The following MUC5B variants were observed in gnomAD, a reference collection of about 807,000 sequenced individuals.
MUC5B encodes mucin-5B.
A neutral mutation model predicts 376.9 loss-of-function variants in MUC5B; 116 were observed. That is an observed-to-expected ratio of 0.31 (90% CI 0.26 to 0.36). MUC5B has a LOEUF of 0.36. MUC5B is among the 10% of genes least tolerant of loss of function. MUC5B has a pLI of 1.00. For missense variants in MUC5B, 7,165 were observed against 7,769.9 expected, an observed-to-expected ratio of 0.92 and a Z score of 2.93; for synonymous variants, 3,517 against 3,390.9, an observed-to-expected ratio of 1.04 and a Z score of -1.29.
rs908224 is a variant in MUC5B at position 1,226,967 on chromosome 11, G to T, written c.462-64G>T. On this transcript the variant is annotated intron_variant, in intron 4 of 48. Coordinates refer to ENST00000529681, the MANE Select transcript of MUC5B (RefSeq NM_002458.3). ...TGTCTGACCTGGGCCAGGGCTGGGG[G>T]GGGGTTGGGTGGGCAGGCAGCCAGG... The T allele has an allele frequency of 0.63, 961,897 of 1,517,360 alleles. 306,158 individuals carry two copies. Among genetic ancestry groups the T allele is most frequent in the Admixed American group, 0.76 (42,149 of 55,200 alleles). 94.0% of individuals were successfully genotyped at this position (1,517,360 alleles called of 1,614,324 possible). A position where few individuals can be genotyped will look rare whatever the true frequency, so the allele number is the denominator to read the frequency against.
intron 13 of MUC5B, 136 bp downstream of exon 13, chr11:1,231,141 G>A: frequency 1.0e-6 from 1 of 957,956 alleles, no homozygotes; most frequent in Non-Finnish European, 1.5e-6. Flanking sequence ...CCTGTGCTCG[G>A]TTTCTCGTCT....
intron 7 of MUC5B, 120 bp downstream of exon 7, chr11:1,227,901 C>T (rs948257690): frequency 8.2e-5 from 50 of 612,630 alleles, no homozygotes; most frequent in East Asian, 2.2e-4. Context: ...GGAGGGAGGC[C>T]GGGCAGCCAC....
Position 1,254,149 on chromosome 11 carries a change from C to G in MUC5B, c.15275C>G (p.Thr5092Ser). Residue 5092 changes from threonine to serine, a missense_variant, in exon 34 of 49, where the codon ACC (threonine) becomes AGC (serine). By Grantham distance (58) the Thr-to-Ser change is moderately conservative. This residue lies in a region of MUC5B where 842 missense variants were observed against 1,016.9 expected (regional missense o/e 0.83). Coordinates refer to ENST00000529681, the MANE Select transcript of MUC5B (RefSeq NM_002458.3). ...HYSTFDGTSY[T>S]FRGNCTYVLM... The stretch of plus-strand genomic sequence containing the variant: ...TCCACCTTTGACGGCACCTCTTACA[C>G]CTTCCGGGGCAACTGCACCTATGTC... 2 of 1,612,998 alleles carry G rather than the reference C, an allele frequency of 1.2e-6. No homozygotes were observed. The highest frequency in any genetic ancestry group is 1.7e-6 in the Non-Finnish European group (2 of 1,179,846).
intron 25 of MUC5B, 136 bp from the exon 26 acceptor site, chr11:1,238,735 C>T (rs1205859578): frequency 5.1e-6 from 5 of 980,828 alleles, no homozygotes; most frequent in Non-Finnish European, 6.1e-6. Context: ...TGAGGTATTC[C>T]AGGCCCCAGG....
Position 1,260,004 on chromosome 11 carries a change from C to G in MUC5B, c.16842C>G (p.Thr5614=), listed in dbSNP as rs1564954756. Residue 5614 remains threonine (T), a synonymous_variant, in exon 46 of 49, where the codon ACC becomes ACG. Coordinates refer to ENST00000529681, the MANE Select transcript of MUC5B (RefSeq NM_002458.3). ...TCAACAGCCATGTGGACAACTGCAC[C>G]GTGTACCTCTGTGAGGCTGAGGGTG... is the stretch of plus-strand genomic sequence containing the variant. ...TWVNSHVDNC[T]VYLCEAEGGV... The G allele has an allele frequency of 3.1e-6, 5 of 1,612,866 alleles. No homozygotes were observed. Among genetic ancestry groups the G allele is most frequent in the South Asian group, 2.2e-5 (2 of 91,092 alleles).
chr11:1,242,377 G>C lies in MUC5B; in HGVS notation c.5497G>C (p.Glu1833Gln). ...WAPKSIECRAENYPEVSIDQV... is the reference protein window; with the variant it reads ...WAPKSIECRAQNYPEVSIDQV... Reference sequence around the variant, plus strand: ...ACCAAAGAGCATAGAGTGCCGGGCGGAGAACTACCCCGAGGTAAGCATCGA... The same window carrying C: ...ACCAAAGAGCATAGAGTGCCGGGCGCAGAACTACCCCGAGGTAAGCATCGA... The change falls in exon 31 of 49, where the codon GAG (glutamate) becomes CAG (glutamine). Residue 1833 changes from glutamate (E) to glutamine (Q), a missense_variant. Glu to Gln is a conservative substitution (Grantham distance 29). Transcript: ENST00000529681. The C allele has an allele frequency of 8.1e-6, 13 of 1,613,886 alleles. No homozygotes were observed. The highest frequency in any genetic ancestry group is 1.1e-5 in the Non-Finnish European group (13 of 1,179,866).
rs758434324 is a variant in MUC5B at position 1,261,962 on chromosome 11, C to T, written c.*354C>T. On this transcript the variant is annotated 3_prime_UTR_variant, in exon 49 of 49. Transcript: ENST00000529681. ...CCCGCGCAGCACGGATTCCAGCTGG[C>T]CACGTCCGGCCGCTGGGGCAGACAG... 4.0e-6 allele frequency: 2 copies of T among 501,580 alleles called. No individual in the cohort carries two copies. The highest frequency in any genetic ancestry group is 7.8e-6 in the Non-Finnish European group (2 of 255,674). 31.1% of individuals were successfully genotyped at this position (501,580 alleles called of 1,614,324 possible). A position where few individuals can be genotyped will look rare whatever the true frequency, so the allele number is the denominator to read the frequency against.
chr11:1,240,786 C>A, intron 30 of MUC5B, 65 bp from the exon 31 acceptor site: 1 of 1,462,252 alleles, frequency 6.8e-7, no homozygotes, highest in Admixed American at 2.2e-5. Flanking sequence ...TCTGGGGCCC[C>A]TCCACCTTGT....
rs758241481 is a variant in MUC5B at position 1,232,484 on chromosome 11, C to G, written c.1878C>G (p.Thr626=). The part of the protein sequence containing the change: ...NYARHWCSRL[T]DPNSAFSRCH... ...CCCGGCACTGGTGCTCGCGCCTGACCGATCCCAACAGTGCCTTCTCGCGCT... is the reference window on the plus strand; with the variant it reads ...CCCGGCACTGGTGCTCGCGCCTGACGGATCCCAACAGTGCCTTCTCGCGCT... Residue 626 remains threonine (T), a synonymous_variant, in exon 16 of 49, where the codon ACC becomes ACG. Transcript: ENST00000529681. The G allele has an allele frequency of 9.9e-6, 16 of 1,610,448 alleles. No homozygotes were observed. In the Admixed American group the frequency reaches 1.5e-4, roughly 15 times the overall value.
Position 1,255,421 on chromosome 11 carries a change from C to T in MUC5B, c.15929C>T (p.Pro5310Leu). ...TGCCACAACCTTGTGCCCCCGGGCC[C>T]ATTCTTCAACGCCTGCATCAGCGAC... ...AECHNLVPPGPFFNACISDHC... is the reference protein window; with the variant it reads ...AECHNLVPPGLFFNACISDHC... Residue 5310 changes from proline to leucine, a missense_variant, in exon 37 of 49, where the codon CCA (proline) becomes CTA (leucine). Physicochemically the swap from Pro to Leu is moderately conservative, Grantham distance 98 (BLOSUM62 -3). Coordinates refer to ENST00000529681, the MANE Select transcript of MUC5B (RefSeq NM_002458.3). The T allele has an allele frequency of 6.2e-7, 1 of 1,604,952 alleles. No homozygotes were observed. Among genetic ancestry groups the T allele is most frequent in the Non-Finnish European group, 8.5e-7 (1 of 1,176,068 alleles).
Position 1,242,940 on chromosome 11 carries a change from C to T in MUC5B, c.6060C>T (p.Ser2020=), listed in dbSNP as rs1862330860. Residue 2020 remains serine (S), a synonymous_variant, in exon 31 of 49, where the codon TCC becomes TCT. Coordinates refer to ENST00000529681, the MANE Select transcript of MUC5B (RefSeq NM_002458.3). ...CCACTCCAGAGACTGCCCACACCTC[C>T]ACAGTGCTTACCGCCACGGCCACCA... ...PSSTPETAHT[S]TVLTATATTT... is the part of the protein sequence containing the mutation. 6.2e-7 allele frequency: 1 copy of T among 1,613,156 alleles called. No individual in the cohort carries two copies. Among genetic ancestry groups the T allele is most frequent in the Non-Finnish European group, 8.5e-7 (1 of 1,179,330 alleles).
intron 44 of MUC5B, 57 bp from the exon 45 acceptor site, chr11:1,259,699 G>T: frequency 1.3e-6 from 2 of 1,581,326 alleles, no homozygotes; most frequent in Non-Finnish European, 8.7e-7. Context: ...GGCAGGCTGG[G>T]CCGGGGCATG....
Position 1,248,440 on chromosome 11 carries a change from T to A in MUC5B, c.11560T>A (p.Ser3854Thr). Residue 3854 changes from serine to threonine, a missense_variant, in exon 31 of 49, where the codon TCT becomes ACT. Transcript: ENST00000529681. ...GGCCACCGGCTCTGTGGCCACCCCC[T>A]CTTCCACCCCAGGAACAGCTCACAC... ...TRATGSVATP[S>T]STPGTAHTTK... 1 of 1,608,136 alleles carries A rather than the reference T, an allele frequency of 6.2e-7. No homozygotes were observed. The highest frequency in any genetic ancestry group is 8.5e-7 in the Non-Finnish European group (1 of 1,177,300).
chr11:1,231,359 C>T (rs1862023701), intron 13 of MUC5B, 64 bp from the exon 14 acceptor site: 2 of 1,526,496 alleles, frequency 1.3e-6, no homozygotes, highest in Non-Finnish European at 1.8e-6. Flanking sequence ...GATGCCCTGC[C>T]CCTCCAATCT....
Position 1,250,328 on chromosome 11 carries a change from C to A in MUC5B, c.13448C>A (p.Thr4483Asn). The A allele has an allele frequency of 2.0e-5, 32 of 1,613,384 alleles. No individual in the cohort carries two copies. Among genetic ancestry groups the A allele is most frequent in the Non-Finnish European group, 2.5e-5 (30 of 1,179,696 alleles). Residue 4483 changes from threonine to asparagine, a missense_variant, in exon 31 of 49, where the codon ACC (threonine) becomes AAC (asparagine). Around this residue, in one of 31 missense-constraint regions of MUC5B, gnomAD observed 431 missense variants for 390.4 expected, o/e 1.10. Coordinates refer to ENST00000529681, the MANE Select transcript of MUC5B (RefSeq NM_002458.3). ...QATAGTPHVS[T>N]TATTPTVTSS... ...ACTGCTGGCACCCCACATGTGAGCA[C>A]CACGGCCACGACACCCACAGTCACC...
Position 1,250,113 on chromosome 11 carries a change from G to A in MUC5B, c.13233G>A (p.Pro4411=), listed in dbSNP as rs539036641. 109 of 1,585,128 alleles carry A rather than the reference G, an allele frequency of 6.9e-5. No homozygotes were observed. Among genetic ancestry groups the A allele is most frequent in the Middle Eastern group, 1.7e-4 (1 of 5,950 alleles). ...TTAATGPTAT[P]SSTPGTTWIL... ...CAGCCACTGGCCCCACGGCCACCCC[G>A]TCCTCCACCCCAGGGACCACCTGGA... is the stretch of plus-strand genomic sequence containing the variant. The change falls in exon 31 of 49, where the codon CCG becomes CCA. Residue 4411 remains proline, a synonymous_variant. Transcript: ENST00000529681.
chr11:1,232,445 C>T lies in MUC5B; in HGVS notation c.1844-5C>T, dbSNP rs1444125487. On this transcript the variant is annotated splice_polypyrimidine_tract_variant and splice_region_variant and intron_variant, in intron 15 of 48. Coordinates refer to ENST00000529681, the MANE Select transcript of MUC5B (RefSeq NM_002458.3). The stretch of plus-strand genomic sequence containing the variant: ...CGTGGAGATGAGGTCAGGTCTTCCC[C>T]ACAGAGAACTACGCCCGGCACTGGT... 3 of 1,601,598 alleles carry T rather than the reference C, an allele frequency of 1.9e-6. No homozygotes were observed. The highest frequency in any genetic ancestry group is 4.5e-5 in the East Asian group (2 of 44,012).
Position 1,249,418 on chromosome 11 carries a change from C to A in MUC5B, c.12538C>A (p.Pro4180Thr), listed in dbSNP as rs770007919. The A allele has an allele frequency of 3.1e-6, 5 of 1,611,382 alleles. No individual in the cohort carries two copies. The South Asian group carries it at 5.5e-5, about 18-fold the overall frequency. Reference protein sequence around the residue: ...LGLECRAQAQPGVPLGELGQV... With the variant: ...LGLECRAQAQTGVPLGELGQV... ...CCTCGAGTGCCGTGCCCAGGCCCAGCCTGGTGTCCCCCTGGGGGAGTTGGG... is the reference window on the plus strand; with the variant it reads ...CCTCGAGTGCCGTGCCCAGGCCCAGACTGGTGTCCCCCTGGGGGAGTTGGG... The change falls in exon 31 of 49, where the codon CCT (proline) becomes ACT (threonine). Residue 4180 changes from proline to threonine, a missense_variant. Pro to Thr is a conservative substitution (Grantham distance 38). Coordinates refer to ENST00000529681, the MANE Select transcript of MUC5B (RefSeq NM_002458.3).
At position 1,252,370 on chromosome 11, in the gene MUC5B, G is replaced by A. The variant is rs201656198; in HGVS notation, c.14891G>A (p.Arg4964Gln). The A allele has an allele frequency of 6.1e-5, 97 of 1,581,204 alleles. No individual in the cohort carries two copies. The highest frequency in any genetic ancestry group is 2.3e-4 in the African/African-American group (17 of 73,862). Residue 4964 changes from arginine (R) to glutamine (Q), a missense_variant, in exon 32 of 49, where the codon CGA becomes CAA. This residue lies in a region of MUC5B where 730 missense variants were observed against 592.7 expected (regional missense o/e 1.23). Coordinates refer to ENST00000529681, the MANE Select transcript of MUC5B (RefSeq NM_002458.3). ...PGEVIYNKTD[R>Q]AGCHFYAVCN... The stretch of plus-strand genomic sequence containing the variant: ...GAAGTCATCTACAATAAGACCGACC[G>A]AGCCGGCTGCCATTTCTACGCAGTG...
Sources: gnomAD v4.1 joint callset for allele counts on GRCh38, gnomAD v4.1.1 for gene constraint, gnomAD v4.1.1 regional missense constraint, MANE v1.5 for transcripts, NCBI Gene and HGNC (gene_info 2026-07-23, HGNC 2026-07-21) for gene names.